The following INSRR variants were observed in gnomAD, a reference collection of about 807,000 sequenced individuals.
INSRR encodes insulin receptor related receptor.
INSRR carries 114 observed loss-of-function variants against 130.0 expected under a neutral mutation model. The ratio of observed to expected loss-of-function variants is 0.88; its 90% CI spans 0.75 to 1.02. The LOEUF (loss-of-function observed/expected upper bound fraction) is 1.02, where lower values mean the gene tolerates loss of function less well. Ranked by LOEUF, INSRR falls within the 50% of genes least tolerant of loss-of-function variation. The probability of loss-of-function intolerance (pLI) is 0.00; values close to 1 mark genes in which losing one functional copy is unlikely to be tolerated. For synonymous variants in INSRR, 674 were observed against 705.2 expected, an observed-to-expected ratio of 0.96 and a Z score of 0.70; for missense variants, 1,657 against 1,735.2, an observed-to-expected ratio of 0.95 and a Z score of 0.80.
In INSRR at chr1:156,851,621, G is replaced by T. The variant is rs1007650004; in HGVS notation, c.1084+25C>A. 11 of 1,614,008 alleles carry T rather than the reference G, an allele frequency of 6.8e-6. No individual in the cohort carries two copies. The Admixed American group carries it at 1.2e-4, about 17-fold the overall frequency. On this transcript the variant is annotated intron_variant, in intron 4 of 21. Coordinates refer to ENST00000368195, the MANE Select transcript of INSRR (RefSeq NM_014215.3). ...AGGAAGGGTATGACCAGGAGGAGGG[G>T]TGTGGCCCCAAAGTAGGTACTGACA...
chr1:156,842,165 T>A lies in INSRR; in HGVS notation c.3344A>T (p.Asp1115Val). Residue 1115 changes from aspartate (D) to valine (V), a missense_variant, in exon 19 of 22, where the codon GAT (aspartate) becomes GTT (valine). Asp to Val is a radical substitution (Grantham distance 152, BLOSUM62 -3). Coordinates refer to ENST00000368195, the MANE Select transcript of INSRR (RefSeq NM_014215.3). ...YLAANKFVHR[D>V]LAARNCMVSQ... ...CACCATGCAGTTGCGGGCTGCTAGA[T>A]CTCGGTGCACAAACTTGTTGGCAGC... is the stretch of plus-strand genomic sequence containing the variant. 1 of 1,614,068 alleles carries A rather than the reference T, an allele frequency of 6.2e-7. No individual in the cohort carries two copies. The highest frequency in any genetic ancestry group is 8.5e-7 in the Non-Finnish European group (1 of 1,179,990).
chr1:156,844,156 C>G lies in INSRR; in HGVS notation c.2843+19G>C. On this transcript the variant is annotated intron_variant, in intron 15 of 21. Coordinates refer to ENST00000368195, the MANE Select transcript of INSRR (RefSeq NM_014215.3). Reference sequence around the variant, plus strand: ...CTCAGGGAGAAAAGGGGGTGGGGACCGGTGGGACTTATCATCACCTCTTCT... The same window carrying G: ...CTCAGGGAGAAAAGGGGGTGGGGACGGGTGGGACTTATCATCACCTCTTCT... 6.4e-7 allele frequency: 1 copy of G among 1,574,504 alleles called. No individual in the cohort carries two copies. Among genetic ancestry groups the G allele is most frequent in the East Asian group, 2.2e-5 (1 of 44,680 alleles).
At chr1:156,846,146 A>G in intron 8 of INSRR, 27 bp from the exon 9 acceptor site, 1 of 1,555,458 alleles carries the variant, frequency 6.4e-7, no homozygotes, top group Non-Finnish European at 8.7e-7. Flanking sequence ...GATGCAACTC[A>G]GGGGTGTGGG....
Position 156,851,107 on chromosome 1 carries a change from T to C in INSRR, c.1229+183A>G, listed in dbSNP as rs1360237230. 8.6e-5 allele frequency: 61 copies of C among 708,394 alleles called. 1 individual carries two copies. Among genetic ancestry groups the C allele is most frequent in the Middle Eastern group, 7.3e-4 (3 of 4,108 alleles). 43.9% of individuals were successfully genotyped at this position (708,394 alleles called of 1,614,324 possible). A position where few individuals can be genotyped will look rare whatever the true frequency, so the allele number is the denominator to read the frequency against. ...ATTCAAAACAGTCCTGAGAAGTAAGTAATGTTATATTAGCCCTATTTTACA... is the reference window on the plus strand; with the variant it reads ...ATTCAAAACAGTCCTGAGAAGTAAGCAATGTTATATTAGCCCTATTTTACA... On this transcript the variant is annotated intron_variant, in intron 5 of 21. Coordinates refer to ENST00000368195, the MANE Select transcript of INSRR (RefSeq NM_014215.3).
chr1:156,845,258 C>A lies in INSRR; in HGVS notation c.2255G>T (p.Arg752Leu). ...GRHRRAAGPL[R>L]LGGNSSDFEI... ...GAAATCCGAGCTGTTGCCCCCCAGC[C>A]GGAGGGGCCCAGCTGCCCGGCGGTG... The change falls in exon 12 of 22, where the codon CGG (arginine) becomes CTG (leucine). Residue 752 changes from arginine to leucine, a missense_variant. Transcript: ENST00000368195. 6.2e-7 allele frequency: 1 copy of A among 1,611,770 alleles called. No homozygotes were observed. Among genetic ancestry groups the A allele is most frequent in the Non-Finnish European group, 8.5e-7 (1 of 1,179,080 alleles).
intron 1 of INSRR, among the ~76,000 whole-genome samples, chr1:156,858,231 C>G (rs188267436): frequency 6.6e-6 from 1 of 152,360 alleles, no homozygotes; most frequent in African/African-American, 2.4e-5. Context: ...ACTTCTAACA[C>G]TCTCACGGCC....
intron 21 of INSRR, 44 bp from the exon 22 acceptor site, chr1:156,841,148 T>C: frequency 7.0e-7 from 1 of 1,434,338 alleles, no homozygotes; most frequent in South Asian, 1.2e-5. Flanking sequence ...CGGGAGCCCC[T>C]GCCACGCTCT....
At chr1:156,845,491 A>G (rs1396773184) in intron 10 of INSRR, 78 bp from the exon 11 acceptor site, 86 of 1,505,452 alleles carry the variant, frequency 5.7e-5, no homozygotes, top group Non-Finnish European at 7.5e-5. Flanking sequence ...CCGCCTCCAA[A>G]AGCACCCACA....
chr1:156,853,592 C>G (rs1558091240), intron 2 of INSRR, among the ~76,000 whole-genome samples, 160 bp downstream of exon 2: 1 of 152,204 alleles, frequency 6.6e-6, no homozygotes, highest in Non-Finnish European at 1.5e-5. Flanking sequence ...GGTTACGTAA[C>G]TTTTCTGAGC....
At chr1:156,855,068 C>T (rs1334436160) in intron 1 of INSRR, among the ~76,000 whole-genome samples, 1 of 152,106 alleles carries the variant, frequency 6.6e-6, no homozygotes, top group African/African-American at 2.4e-5. Flanking sequence ...GGTCTTTGTC[C>T]TTCTGTTCCT....
intron 1 of INSRR, among the ~76,000 whole-genome samples, chr1:156,857,963 T>C (rs1165093748): frequency 1.2e-4 from 18 of 152,038 alleles, no homozygotes. Context: ...GTATCTAGCC[T>C]GGGGGACAGG....
intron 17 of INSRR, 21 bp downstream of exon 17, chr1:156,842,983 A>T (rs1300325240): frequency 6.3e-7 from 1 of 1,576,684 alleles, no homozygotes; most frequent in Admixed American, 1.7e-5. Context: ...GACCCTGACA[A>T]TGCCCTTGGC....
In INSRR at chr1:156,840,823, G is replaced by T; in HGVS notation, c.*50C>A. On this transcript the variant is annotated 3_prime_UTR_variant, in exon 22 of 22. Coordinates refer to ENST00000368195, the MANE Select transcript of INSRR (RefSeq NM_014215.3). The stretch of plus-strand genomic sequence containing the variant: ...TCAGGCGTCTCAGCCACAGAGGTCG[G>T]GTCCCTTCCTGTCTCCCCATGGGAG... 7.1e-7 allele frequency: 1 copy of T among 1,417,112 alleles called. No homozygotes were observed. The highest frequency in any genetic ancestry group is 9.9e-7 in the Non-Finnish European group (1 of 1,012,160). The allele number at this position is 1,417,112 out of a possible 1,614,324, so 87.8% of individuals were successfully genotyped here. A position where few individuals can be genotyped will look rare whatever the true frequency, so the allele number is the denominator to read the frequency against.
intron 21 of INSRR, 61 bp from the exon 22 acceptor site, chr1:156,841,165 C>T: frequency 7.6e-7 from 1 of 1,313,274 alleles, no homozygotes; most frequent in East Asian, 2.5e-5. Flanking sequence ...CTCTCAGCCT[C>T]CTGCACTGAG....
Position 156,858,979 on chromosome 1 carries a change from G to A in INSRR, c.-358C>T, listed in dbSNP as rs1655510061. The A allele has an allele frequency of 3.9e-6, 1 of 255,978 alleles. No individual in the cohort carries two copies. Among genetic ancestry groups the A allele is most frequent in the South Asian group, 5.7e-5 (1 of 17,468 alleles). The allele number at this position is 255,978 out of a possible 1,614,324, so 15.9% of individuals were successfully genotyped here. A position where few individuals can be genotyped will look rare whatever the true frequency, so the allele number is the denominator to read the frequency against. On this transcript the variant is annotated 5_prime_UTR_variant, in exon 1 of 22. Transcript: ENST00000368195. ...GAGGCCAGCCAACCCTGAGGGCGGA[G>A]CAGCAGGCTGGGGACCGCTCCCAAG...
rs775750741 is a variant in INSRR at position 156,844,222 on chromosome 1, C to T, written c.2796G>A (p.Thr932=). The T allele has an allele frequency of 3.2e-5, 52 of 1,613,810 alleles. No individual in the cohort carries two copies. Among genetic ancestry groups the T allele is most frequent in the South Asian group, 2.1e-4 (19 of 91,084 alleles). The change falls in exon 15 of 22, where the codon ACG becomes ACA. Residue 932 remains threonine (T), a synonymous_variant. Coordinates refer to ENST00000368195, the MANE Select transcript of INSRR (RefSeq NM_014215.3). ...VLLTATPVGL[T]LLIVLAALGF... The stretch of plus-strand genomic sequence containing the variant: ...CAAGGGCAGCAAGAACGATGAGCAG[C>T]GTGAGCCCCACAGGGGTGGCAGTGA...
At chr1:156,845,015 C>A in intron 12 of INSRR, 61 bp downstream of exon 12, 1 of 1,553,134 alleles carries the variant, frequency 6.4e-7, no homozygotes, top group Non-Finnish European at 8.7e-7. Context: ...AACCCCAAAC[C>A]TTTGCACAGG....
intron 7 of INSRR, among the ~76,000 whole-genome samples, chr1:156,848,599 C>T (rs1655090384): frequency 6.6e-6 from 1 of 152,204 alleles, no homozygotes; most frequent in African/African-American, 2.4e-5. Flanking sequence ...GCTGCTGGGG[C>T]AGGAGCGTGT....
chr1:156,841,743 C>G lies in INSRR; in HGVS notation c.3449G>C (p.Gly1150Ala). Residue 1150 changes from glycine (G) to alanine (A), a missense_variant, in exon 20 of 22, where the codon GGG becomes GCG. Coordinates refer to ENST00000368195, the MANE Select transcript of INSRR (RefSeq NM_014215.3). ...VYETDYYRKG[G>A]KGLLPVRWMA... ...CCAGCGCACGGGCAGCAGCCCCTTC[C>G]CACCCTTGCGGTAATAGTCTGTCTC... The G allele has an allele frequency of 6.2e-7, 1 of 1,614,174 alleles. No individual in the cohort carries two copies. Among genetic ancestry groups the G allele is most frequent in the Non-Finnish European group, 8.5e-7 (1 of 1,180,012 alleles).
Sources: allele counts gnomAD v4.1 joint callset (sites outside exome capture counted in the v4.1 genomes callset), GRCh38; gene constraint gnomAD v4.1.1; transcripts MANE v1.5; gene names NCBI Gene and HGNC (gene_info 2026-07-23, HGNC 2026-07-21).